The following APBB2 variants were observed in gnomAD, a reference collection of about 807,000 sequenced individuals.
APBB2 encodes the protein Fe65-like 1.
Under a neutral mutation model 82.5 loss-of-function variants are expected in APBB2, and 38 were observed. The observed-to-expected ratio is 0.46, with a 90% CI of 0.36 to 0.60. The LOEUF is 0.60. APBB2 is among the 20% of genes least tolerant of loss of function. APBB2 has a pLI of 0.00. For synonymous variants in APBB2, 341 were observed against 368.2 expected, an observed-to-expected ratio of 0.93 and a Z score of 0.85; for missense variants, 772 against 972.3, an observed-to-expected ratio of 0.79 and a Z score of 2.74.
In APBB2 at chr4:41,013,697, C is replaced by G; in HGVS notation, c.721G>C (p.Ala241Pro). 6.2e-7 allele frequency: 1 copy of G among 1,614,144 alleles called. No homozygotes were observed. Among genetic ancestry groups the G allele is most frequent in the Non-Finnish European group, 8.5e-7 (1 of 1,180,022 alleles). The change falls in exon 6 of 18, where the codon GCC becomes CCC. Residue 241 changes from alanine to proline, a missense_variant. Ala to Pro is a conservative substitution (Grantham distance 27). Coordinates refer to ENST00000508593, the MANE Select transcript of APBB2 (RefSeq NM_004307.2). Reference sequence around the variant, plus strand: ...CGGTGCAGTGCACAGTCGGTTTTGGCCCCTGTTTTCGGATGATCCTTCTTG... The same window carrying G: ...CGGTGCAGTGCACAGTCGGTTTTGGGCCCTGTTTTCGGATGATCCTTCTTG... Reference protein sequence around the residue: ...ETKKDHPKTGAKTDCALHRIQ... With the variant: ...ETKKDHPKTGPKTDCALHRIQ...
intron 12 of APBB2, among the ~76,000 whole-genome samples, chr4:40,860,808 G>C (rs975539778): frequency 6.6e-6 from 1 of 151,956 alleles, no homozygotes; most frequent in Admixed American, 6.6e-5. Flanking sequence ...ATATGACCAG[G>C]TAATCAGAAT....
At chr4:41,206,198 G>A (rs1337921883) in intron 1 of APBB2, among the ~76,000 whole-genome samples, 1 of 152,182 alleles carries the variant, frequency 6.6e-6, no homozygotes, top group East Asian at 1.9e-4. Context: ...ATAAAATTGA[G>A]TTAAGGAAAG....
intron 12 of APBB2, among the ~76,000 whole-genome samples, chr4:40,846,938 TAAAAA>T (rs147731669): frequency 6.8e-6 from 1 of 147,870 alleles, no homozygotes; most frequent in Non-Finnish European, 1.5e-5. Flanking sequence ...TATCACAGAT[TAAAAA>T]AAAAACAAAA....
At chr4:40,968,448 TCATA>T (rs1413978060) in intron 6 of APBB2, among the ~76,000 whole-genome samples, 1 of 152,166 alleles carries the variant, frequency 6.6e-6, no homozygotes, top group Non-Finnish European at 1.5e-5. Context: ...CTTCCTCTAA[TCATA>T]CTACAGCTAT....
chr4:41,143,807 A>G (rs1374163083), intron 1 of APBB2, among the ~76,000 whole-genome samples: 1 of 152,270 alleles, frequency 6.6e-6, no homozygotes, highest in Non-Finnish European at 1.5e-5. Flanking sequence ...GAAATTATAT[A>G]TGAAACCAAC....
chr4:40,942,800 C>T (rs1405557801), intron 7 of APBB2, among the ~76,000 whole-genome samples: 2 of 152,100 alleles, frequency 1.3e-5, no homozygotes, highest in African/African-American at 2.4e-5. Flanking sequence ...GGGAGAGATG[C>T]ACTCTGCTAC....
chr4:40,906,553 G>C (rs1459247590), intron 10 of APBB2, among the ~76,000 whole-genome samples: 2 of 150,774 alleles, frequency 1.3e-5, no homozygotes, highest in South Asian at 2.1e-4. Context: ...GGGGATTTCA[G>C]AGTCCCAATG....
chr4:40,909,155 A>G (rs1032939468), intron 10 of APBB2, among the ~76,000 whole-genome samples: 10 of 152,252 alleles, frequency 6.6e-5, no homozygotes. Context: ...CCGGTGCACC[A>G]TGCAATCACC....
intron 4 of APBB2, among the ~76,000 whole-genome samples, chr4:41,034,147 G>C (rs1297318932): frequency 6.6e-6 from 1 of 152,186 alleles, no homozygotes; most frequent in Non-Finnish European, 1.5e-5. Flanking sequence ...CTGATAATTT[G>C]TTTCACAGAC....
At chr4:41,025,783 G>A (rs1713788227) in intron 5 of APBB2, among the ~76,000 whole-genome samples, 1 of 150,750 alleles carries the variant, frequency 6.6e-6, no homozygotes, top group South Asian at 2.1e-4. Context: ...GCTGGGTGTG[G>A]TGGTAGATGC....
At chr4:41,003,447 T>C (rs1200788308) in intron 6 of APBB2, among the ~76,000 whole-genome samples, 1 of 152,232 alleles carries the variant, frequency 6.6e-6, no homozygotes. Flanking sequence ...AAAATTCATG[T>C]CCACCCAGAA....
At chr4:41,200,256 C>A (rs1448353831) in intron 1 of APBB2, among the ~76,000 whole-genome samples, 5 of 152,126 alleles carry the variant, frequency 3.3e-5, no homozygotes. Context: ...AAATCAAATT[C>A]TTATCATAAA....
chr4:40,942,396 TCA>T (rs1440474459), intron 7 of APBB2, among the ~76,000 whole-genome samples: 1 of 152,260 alleles, frequency 6.6e-6, no homozygotes, highest in East Asian at 1.9e-4. Context: ...GTGGAGATTC[TCA>T]GAGTCCTCGG....
chr4:41,097,361 A>G (rs938226248), intron 3 of APBB2, among the ~76,000 whole-genome samples: 9 of 152,196 alleles, frequency 5.9e-5, no homozygotes, highest in African/African-American at 2.2e-4. Context: ...AAGATTCTAA[A>G]TGGGGAATCC....
intron 5 of APBB2, among the ~76,000 whole-genome samples, chr4:41,032,508 G>A (rs536348327): frequency 0.047 from 6,937 of 149,042 alleles, 339 homozygotes; most frequent in African/African-American, 0.13. Context: ...ATTGGGGGCG[G>A]GGGGGGTTTC....
intron 10 of APBB2, among the ~76,000 whole-genome samples, chr4:40,903,193 G>C (rs1397718344): frequency 6.6e-6 from 1 of 151,800 alleles, no homozygotes; most frequent in Non-Finnish European, 1.5e-5. Context: ...AGGTGTGGTG[G>C]CTCACACCTG....
chr4:40,888,331 G>C (rs1011651547), intron 12 of APBB2, among the ~76,000 whole-genome samples: 2 of 152,234 alleles, frequency 1.3e-5, no homozygotes, highest in Non-Finnish European at 2.9e-5. Context: ...GTAGCATGTG[G>C]CCTCACTTTA....
chr4:41,130,973 G>A (rs1280360710), intron 2 of APBB2, among the ~76,000 whole-genome samples: 1 of 152,068 alleles, frequency 6.6e-6, no homozygotes, highest in Admixed American at 6.5e-5. Context: ...TAGACCATAC[G>A]TCACCAAAGA....
At chr4:41,124,772 T>C (rs1181233461) in intron 2 of APBB2, among the ~76,000 whole-genome samples, 1 of 152,236 alleles carries the variant, frequency 6.6e-6, no homozygotes, top group East Asian at 1.9e-4. Context: ...AAACATCACT[T>C]AATCACTCTT....
Sources: allele counts gnomAD v4.1 joint callset (sites outside exome capture counted in the v4.1 genomes callset), GRCh38; gene constraint gnomAD v4.1.1; transcripts MANE v1.5; gene names NCBI Gene and HGNC (gene_info 2026-07-23, HGNC 2026-07-21).